The following BCAS3 variants were observed in gnomAD, a reference collection of about 807,000 sequenced individuals.
BCAS3 encodes the protein BCAS3 microtubule associated cell migration factor, also known as BCAS4/BCAS3 fusion.
Under a neutral mutation model 116.1 loss-of-function variants are expected in BCAS3, and 53 were observed. The observed-to-expected ratio is 0.46, with a 90% confidence interval of 0.37 to 0.57. BCAS3 has a LOEUF of 0.57. Among genes scored for constraint, BCAS3 ranks in the 20% least tolerant of loss-of-function variants. BCAS3 has a pLI of 0.00. For synonymous variants in BCAS3, 391 were observed against 408.2 expected (o/e 0.96, Z 0.51); for missense variants, 917 against 1,165.4 (o/e 0.79, Z 3.10).
In BCAS3 at chr17:61,012,314, A is replaced by T. The variant is rs565885672; in HGVS notation, c.1487-3437A>T. 6.6e-6 allele frequency among the ~76,000 whole-genome samples: 1 copy of T among 152,096 alleles called. No individual in the cohort carries two copies. Reference sequence around the variant, plus strand: ...ATTGAGTGGAACTTTTGCTTGGCGCAGTATGCATCTTTGTTAATGTCTTCT... The same window carrying T: ...ATTGAGTGGAACTTTTGCTTGGCGCTGTATGCATCTTTGTTAATGTCTTCT... On this transcript the variant is annotated intron_variant, in intron 15 of 23. Transcript: ENST00000407086. The surrounding 1 kb of genome is among the most constrained non-coding windows in gnomAD (Gnocchi z 4.5).
chr17:60,949,683 ATCCATTGTT>A (rs1163265926), intron 14 of BCAS3, among the ~76,000 whole-genome samples: 3 of 152,208 alleles, frequency 2.0e-5, no homozygotes, highest in African/African-American at 4.8e-5. Context: ...TAATTGGGAT[ATCCATTGTT>A]TCTTTGTGTT....
intron 7 of BCAS3, among the ~76,000 whole-genome samples, chr17:60,813,902 C>T (rs2049077649): frequency 6.6e-6 from 1 of 152,082 alleles, no homozygotes; most frequent in African/African-American, 2.4e-5. Flanking sequence ...TGTTTTTGTG[C>T]TGGCACCATG....
rs556205132 is a variant in BCAS3 at position 61,001,862 on chromosome 17, C to T, written c.1486+11627C>T. ...AGCACTCTGCTAGTTTTAACATTTACTATTTTCTCAAGACAGAGCAGATGA... is the reference window on the plus strand; with the variant it reads ...AGCACTCTGCTAGTTTTAACATTTATTATTTTCTCAAGACAGAGCAGATGA... On this transcript the variant is annotated intron_variant, in intron 15 of 23. Coordinates refer to ENST00000407086, the MANE Select transcript of BCAS3 (RefSeq NM_017679.5). 5.9e-5 allele frequency among the ~76,000 whole-genome samples: 9 copies of T among 152,154 alleles called. No individual in the cohort carries two copies. In the East Asian group the frequency reaches 1.5e-3, roughly 26 times the overall value.
Position 60,977,436 on chromosome 17 carries a change from C to G in BCAS3, c.1222-12535C>G, listed in dbSNP as rs377148469. On this transcript the variant is annotated intron_variant, in intron 14 of 23. Coordinates refer to ENST00000407086, the MANE Select transcript of BCAS3 (RefSeq NM_017679.5). ...CAGGTGAACCTTCCACTTCAGCCTC[C>G]CAAAGTACTGAGGTTACAGGCATGA... Among the ~76,000 whole-genome samples, 17 of 152,102 alleles carry G rather than the reference C, an allele frequency of 1.1e-4. No homozygotes were observed. The East Asian group carries it at 2.5e-3, about 22-fold the overall frequency.
chr17:60,833,186 G>T (rs867805279), intron 7 of BCAS3, among the ~76,000 whole-genome samples: 3 of 152,160 alleles, frequency 2.0e-5, no homozygotes, highest in African/African-American at 7.2e-5. Flanking sequence ...TATTCTAAAA[G>T]AATCCAATTT....
At chr17:60,937,037 T>C (rs1599811427) in intron 13 of BCAS3, among the ~76,000 whole-genome samples, 1 of 152,166 alleles carries the variant, frequency 6.6e-6, no homozygotes, top group Admixed American at 6.5e-5. Context: ...AATTTTTGTA[T>C]AAGGTGTAAG....
chr17:61,143,475 A>G (rs990512433), intron 22 of BCAS3, among the ~76,000 whole-genome samples: 3 of 152,194 alleles, frequency 2.0e-5, no homozygotes, highest in African/African-American at 7.2e-5. Flanking sequence ...AGACTTTAAA[A>G]TTTTTCTTTG....
At chr17:60,833,381 C>G (rs2051107397) in intron 7 of BCAS3, among the ~76,000 whole-genome samples, 1 of 152,026 alleles carries the variant, frequency 6.6e-6, no homozygotes. Context: ...AGTTGGATGT[C>G]CTAAAGAAAT....
At chr17:61,310,038 C>T (rs1170303916) in intron 22 of BCAS3, among the ~76,000 whole-genome samples, 1 of 152,164 alleles carries the variant, frequency 6.6e-6, no homozygotes, top group South Asian at 2.1e-4. Flanking sequence ...TAGTCATTGC[C>T]TTCCATATGG....
chr17:61,363,553 CT>C lies in BCAS3; in HGVS notation c.2426-4757del, dbSNP rs1156471461. Among the ~76,000 whole-genome samples, 12,030 of 139,722 alleles carry C rather than the reference CT, an allele frequency of 0.086. 428 individuals carry two copies. The highest frequency in any genetic ancestry group is 0.17 in the Middle Eastern group (45 of 266). The allele number at this position is 139,722 out of a possible 152,430, so 91.7% of individuals were successfully genotyped here. On this transcript the variant is annotated intron_variant, in intron 22 of 23. Transcript: ENST00000407086. This position sits in a 1 kb window ranked among gnomAD's most constrained non-coding sequence, Gnocchi z 4.9. ...GTTTGGTGAAGTCACATAAGCTCCTCTTTTTTTTTTTTTTTTTAACTCACTC... is the reference window on the plus strand; with the variant it reads ...GTTTGGTGAAGTCACATAAGCTCCTCTTTTTTTTTTTTTTTTAACTCACTC...
intron 15 of BCAS3, among the ~76,000 whole-genome samples, chr17:60,992,637 C>A (rs1047735342): frequency 2.6e-5 from 4 of 151,880 alleles, no homozygotes; most frequent in African/African-American, 9.7e-5. Flanking sequence ...TGCAGTTTAC[C>A]CATGTAACAA....
chr17:60,971,183 A>C (rs1567996269), intron 14 of BCAS3, among the ~76,000 whole-genome samples: 1 of 152,202 alleles, frequency 6.6e-6, no homozygotes, highest in Non-Finnish European at 1.5e-5. Context: ...GGCCCCAAAG[A>C]GGTGCATCTG....
Position 61,098,956 on chromosome 17 carries a change from C to G in BCAS3, c.2425+14392C>G, listed in dbSNP as rs138361191. ...TGGCTAACACGGTGAAACCCCATCT[C>G]TACTAAAAATACGAAAAATTAGCCG... On this transcript the variant is annotated intron_variant, in intron 22 of 23. Coordinates refer to ENST00000407086, the MANE Select transcript of BCAS3 (RefSeq NM_017679.5). The surrounding 1 kb of genome is among the most constrained non-coding windows in gnomAD (Gnocchi z 4.2). Among the ~76,000 whole-genome samples the G allele has an allele frequency of 3.9e-4, 59 of 152,140 alleles. No homozygotes were observed. The East Asian group carries it at 0.01, about 26-fold the overall frequency.
At position 60,687,751 on chromosome 17, in the gene BCAS3, C is replaced by T. The variant is rs80352070; in HGVS notation, c.139-1935C>T. Among the ~76,000 whole-genome samples the T allele has an allele frequency of 7.4e-4, 113 of 152,014 alleles. No individual in the cohort carries two copies. In the East Asian group the frequency reaches 0.017, roughly 23 times the overall value. On this transcript the variant is annotated intron_variant, in intron 3 of 23. Coordinates refer to ENST00000407086, the MANE Select transcript of BCAS3 (RefSeq NM_017679.5). ...GGAGATCATAAGAGGCAAAAAATGA[C>T]GTGATTCACCTTTGTGCAAAGCTGT...
chr17:60,697,684 G>A lies in BCAS3; in HGVS notation c.214+7923G>A, dbSNP rs186049412. Among the ~76,000 whole-genome samples, 51 of 151,988 alleles carry A rather than the reference G, an allele frequency of 3.4e-4. 1 individual carries two copies. The highest frequency in any genetic ancestry group is 7.2e-4 in the Admixed American group (11 of 15,218). ...CCTATCCTCCCACCAGTTGCAAACA[G>A]TCTTCTAAGGAGGGAGAGTATACTG... On this transcript the variant is annotated intron_variant, in intron 4 of 23. Coordinates refer to ENST00000407086, the MANE Select transcript of BCAS3 (RefSeq NM_017679.5).
chr17:60,739,417 C>T (rs918451981), intron 5 of BCAS3, among the ~76,000 whole-genome samples: 4 of 151,956 alleles, frequency 2.6e-5, no homozygotes, highest in Admixed American at 6.6e-5. Context: ...GTCAGGAGAT[C>T]GAGACCAGCC....
Position 61,309,508 on chromosome 17 carries a change from C to T in BCAS3, c.2426-58819C>T, listed in dbSNP as rs8067303. Among the ~76,000 whole-genome samples the T allele has an allele frequency of 0.28, 42,683 of 151,996 alleles. 8,232 individuals carry two copies. The highest frequency in any genetic ancestry group is 0.56 in the African/African-American group (23,003 of 41,426). On this transcript the variant is annotated intron_variant, in intron 22 of 23. Coordinates refer to ENST00000407086, the MANE Select transcript of BCAS3 (RefSeq NM_017679.5). The surrounding 1 kb of genome is among the most constrained non-coding windows in gnomAD (Gnocchi z 4.6). ...AGGGGTCCCGGCAATGCGGCCCTGA[C>T]CCTTCCCTGCCTCACTTGCCCTCTA... is the stretch of plus-strand genomic sequence containing the variant.
chr17:60,974,936 G>C (rs1241800608), intron 14 of BCAS3, among the ~76,000 whole-genome samples: 1 of 151,492 alleles, frequency 6.6e-6, no homozygotes, highest in African/African-American at 2.4e-5. Context: ...AAGAACATCT[G>C]GTTATACCTT....
chr17:61,116,072 C>G (rs974009241), intron 22 of BCAS3, among the ~76,000 whole-genome samples: 6 of 135,314 alleles, frequency 4.4e-5, no homozygotes, highest in African/African-American at 1.7e-4. Flanking sequence ...AGGGGAATAT[C>G]ACACTCTGGG....
Sources: gnomAD v4.1 joint callset for allele counts (sites outside exome capture counted in the v4.1 genomes callset) on GRCh38, gnomAD v4.1.1 for gene constraint, Gnocchi (gnomAD v3.1) non-coding constraint, MANE v1.5 for transcripts, NCBI Gene and HGNC (gene_info 2026-07-23, HGNC 2026-07-21) for gene names.